The following CSGALNACT1 variants were observed in gnomAD, a reference collection of about 807,000 sequenced individuals.
The protein encoded by CSGALNACT1 is chondroitin sulfate N-acetylgalactosaminyltransferase 1.
A neutral mutation model predicts 51.0 loss-of-function variants in CSGALNACT1; 52 were observed. The ratio of observed to expected loss-of-function variants is 1.02; its 90% CI spans 0.82 to 1.29. The LOEUF is 1.29. CSGALNACT1 is among the 50% of genes most tolerant of loss of function. CSGALNACT1 has a pLI of 0.00. For synonymous variants in CSGALNACT1, 341 were observed against 254.4 expected (o/e 1.34, Z -3.24); for missense variants, 935 against 679.2 (o/e 1.38, Z -4.19).
intron 4 of CSGALNACT1, among the ~76,000 whole-genome samples, chr8:19,469,644 T>A (rs978761185): frequency 2.0e-5 from 3 of 152,178 alleles, no homozygotes; most frequent in African/African-American, 7.2e-5. Flanking sequence ...CTTCCCCAGG[T>A]CTGGCACGGC....
At chr8:19,733,521 A>T (rs532885115) in intron 1 of CSGALNACT1, among the ~76,000 whole-genome samples, 1 of 152,164 alleles carries the variant, frequency 6.6e-6, no homozygotes, top group African/African-American at 2.4e-5. Flanking sequence ...GCTGTGTGAC[A>T]TATGAAGTTT....
At chr8:19,659,082 T>TGGTGG (rs1396564237) in intron 1 of CSGALNACT1, among the ~76,000 whole-genome samples, 2 of 145,800 alleles carry the variant, frequency 1.4e-5, no homozygotes, top group Non-Finnish European at 3.0e-5. Context: ...ACCCACCACC[T>TGGTGG]TACATGTCTT....
chr8:19,619,047 A>C (rs762071945), intron 1 of CSGALNACT1, among the ~76,000 whole-genome samples: 62 of 152,118 alleles, frequency 4.1e-4, no homozygotes, highest in East Asian at 1.9e-4. Context: ...CCTCTTAGAG[A>C]AGTCACAGAT....
intron 6 of CSGALNACT1, among the ~76,000 whole-genome samples, chr8:19,426,045 C>T (rs549633041): frequency 6.6e-6 from 1 of 152,298 alleles, no homozygotes; most frequent in East Asian, 1.9e-4. Context: ...TAGCAGACTC[C>T]ACAGGCTTCA....
intron 3 of CSGALNACT1, among the ~76,000 whole-genome samples, chr8:19,571,467 C>A (rs1013623937): frequency 8.3e-5 from 12 of 143,734 alleles, no homozygotes; most frequent in South Asian, 4.3e-4. Context: ...AAAACAAAAA[C>A]AAAAACAAAA....
chr8:19,675,499 C>T (rs542595604), intron 1 of CSGALNACT1, among the ~76,000 whole-genome samples: 2 of 151,542 alleles, frequency 1.3e-5, no homozygotes, highest in South Asian at 4.2e-4. Flanking sequence ...TCCCTCCCAT[C>T]CCTCCCCCCA....
chr8:19,624,590 G>A (rs777186036), intron 1 of CSGALNACT1, among the ~76,000 whole-genome samples: 1 of 151,834 alleles, frequency 6.6e-6, no homozygotes, highest in Non-Finnish European at 1.5e-5. Context: ...TCACTCTCAT[G>A]TGTTAATGGA....
At chr8:19,476,035 C>T (rs1288535445) in intron 4 of CSGALNACT1, among the ~76,000 whole-genome samples, 1 of 152,166 alleles carries the variant, frequency 6.6e-6, no homozygotes, top group East Asian at 1.9e-4. Flanking sequence ...ATTTTGACAG[C>T]CACCGCCCCT....
chr8:19,569,723 A>T (rs1242935524), intron 3 of CSGALNACT1, among the ~76,000 whole-genome samples: 1 of 152,188 alleles, frequency 6.6e-6, no homozygotes, highest in Non-Finnish European at 1.5e-5. Flanking sequence ...ATGACCCAGT[A>T]AGTCAAGAAC....
chr8:19,532,233 A>C (rs1270523250), intron 3 of CSGALNACT1, among the ~76,000 whole-genome samples: 2 of 151,816 alleles, frequency 1.3e-5, no homozygotes, highest in East Asian at 3.9e-4. Flanking sequence ...AAACAATCTC[A>C]TTTTGATCCT....
intron 2 of CSGALNACT1, among the ~76,000 whole-genome samples, chr8:19,599,584 G>T (rs547020389): frequency 6.6e-5 from 10 of 151,544 alleles, no homozygotes; most frequent in African/African-American, 2.4e-4. Flanking sequence ...AGAGAGAAAG[G>T]AAAGGAGGAA....
chr8:19,619,993 G>A (rs74215246), intron 1 of CSGALNACT1, among the ~76,000 whole-genome samples: 6,156 of 152,104 alleles, frequency 0.04, 295 homozygotes, highest in East Asian at 0.14. Flanking sequence ...GGACCTACCC[G>A]AAGAGATTAA....
intron 3 of CSGALNACT1, among the ~76,000 whole-genome samples, chr8:19,563,947 G>T (rs1183683056): frequency 6.6e-6 from 1 of 151,844 alleles, no homozygotes; most frequent in African/African-American, 2.4e-5. Context: ...ACACCACGCT[G>T]CGGCTGTTTC....
chr8:19,716,687 G>T (rs2154237113), intron 1 of CSGALNACT1, among the ~76,000 whole-genome samples: 1 of 149,086 alleles, frequency 6.7e-6, no homozygotes, highest in South Asian at 2.1e-4. Context: ...AGCTACTCAG[G>T]AGACTGAGGC....
Position 19,666,760 on chromosome 8 carries a change from GAAGA to G in CSGALNACT1, c.-544+15709_-544+15712del, listed in dbSNP as rs560533569. 5.1e-3 allele frequency among the ~76,000 whole-genome samples: 288 copies of G among 56,570 alleles called. 7 individuals are homozygous for G. Among genetic ancestry groups the G allele is most frequent in the Middle Eastern group, 0.017 (2 of 116 alleles). 37.1% of individuals were successfully genotyped at this position (56,570 alleles called of 152,430 possible). On this transcript the variant is annotated intron_variant, in intron 1 of 9. Coordinates refer to the CSGALNACT1 transcript ENST00000332246. ...AGAAACACAAGAAACAAGAAAGAAAGAAGAAAGAAAGAAAGAAAGAAAGAAAGAA... is the reference window on the plus strand; with the variant it reads ...AGAAACACAAGAAACAAGAAAGAAAGAAGAAAGAAAGAAAGAAAGAAAGAA...
intron 1 of CSGALNACT1, among the ~76,000 whole-genome samples, chr8:19,609,245 T>C (rs978244861): frequency 1.3e-5 from 2 of 150,648 alleles, no homozygotes; most frequent in African/African-American, 4.9e-5. Context: ...CAAATAAATA[T>C]ATAGTAATAT....
intron 3 of CSGALNACT1, among the ~76,000 whole-genome samples, chr8:19,584,456 T>C (rs1424955334): frequency 6.6e-6 from 1 of 152,376 alleles, no homozygotes; most frequent in East Asian, 1.9e-4. Context: ...CTTAGGCTAA[T>C]GGTTAACCTT....
intron 5 of CSGALNACT1, 22 bp from the exon 5 acceptor site, chr8:19,439,953 T>G (rs956098915): frequency 1.3e-6 from 2 of 1,589,520 alleles, no homozygotes; most frequent in Non-Finnish European, 8.6e-7. Flanking sequence ...AACACATGCA[T>G]GTCTGGCACC....
intron 1 of CSGALNACT1, among the ~76,000 whole-genome samples, chr8:19,639,251 A>T (rs2056459581): frequency 6.6e-6 from 1 of 152,252 alleles, no homozygotes; most frequent in Admixed American, 6.5e-5. Context: ...GAGAGGAGAA[A>T]GGCACAGCAT....
Sources: allele counts gnomAD v4.1 joint callset (sites outside exome capture counted in the v4.1 genomes callset), GRCh38; gene constraint gnomAD v4.1.1; transcripts MANE v1.5; gene names NCBI Gene and HGNC (gene_info 2026-07-23, HGNC 2026-07-21).